Variants in CDH10 observed in about 807,000 individuals in gnomAD.
The protein encoded by CDH10 is cadherin-10.
CDH10 carries 30 observed loss-of-function variants against 73.1 expected under a neutral mutation model. The observed-to-expected ratio is 0.41, with a 90% CI of 0.31 to 0.56. CDH10 has a LOEUF of 0.56. Among genes scored for constraint, CDH10 ranks in the 20% least tolerant of loss-of-function variants. The pLI is 0.27. For synonymous variants in CDH10, 345 were observed against 348.2 expected (o/e 0.99, Z 0.10); for missense variants, 815 against 973.7 (o/e 0.84, Z 2.17).
At chr5:24,634,669 T>C (rs977498745) in intron 1 of CDH10, among the ~76,000 whole-genome samples, 5 of 151,818 alleles carry the variant, frequency 3.3e-5, no homozygotes, top group Non-Finnish European at 7.4e-5. Context: ...ATCTTTACTA[T>C]GCTCACCAAA....
chr5:24,561,763 G>A (rs1358152566), intron 2 of CDH10, among the ~76,000 whole-genome samples: 1 of 152,078 alleles, frequency 6.6e-6, no homozygotes, highest in East Asian at 1.9e-4. Context: ...TCATCTCTAG[G>A]AAATCCTGAA....
intron 2 of CDH10, among the ~76,000 whole-genome samples, chr5:24,573,790 A>AT (rs1437287420): frequency 2.0e-5 from 3 of 148,416 alleles, no homozygotes; most frequent in African/African-American, 7.4e-5. Context: ...TATCTTGTAT[A>AT]TATTCATATA....
Position 24,518,827 on chromosome 5 carries a change from A to G in CDH10, c.815-7313T>C, listed in dbSNP as rs148934145. Among the ~76,000 whole-genome samples, 31 of 149,860 alleles carry G rather than the reference A, an allele frequency of 2.1e-4. No homozygotes were observed. The East Asian group carries it at 6.0e-3, about 29-fold the overall frequency. ...TACATCGGAGAAGGATTACAGTGAG[A>G]TGGTAATTTCTAAGTTTATCTTGCA... On this transcript the variant is annotated intron_variant, in intron 5 of 11. Transcript: ENST00000264463.
rs114799502 is a variant in CDH10 at position 24,561,517 on chromosome 5, C to T, written c.232-23843G>A. Among the ~76,000 whole-genome samples, 266 of 152,140 alleles carry T rather than the reference C, an allele frequency of 1.7e-3. 1 individual carries two copies. Among genetic ancestry groups the T allele is most frequent in the African/African-American group, 5.7e-3 (235 of 41,530 alleles). On this transcript the variant is annotated intron_variant, in intron 2 of 11. Coordinates refer to ENST00000264463, the MANE Select transcript of CDH10 (RefSeq NM_006727.5). ...TTAGCTCAAAGTGAGCCATCGTTCG[C>T]GACCCTACTGCATTTTTCAGTTCCC...
At chr5:24,631,094 A>T (rs951032817) in intron 1 of CDH10, among the ~76,000 whole-genome samples, 11 of 152,138 alleles carry the variant, frequency 7.2e-5, no homozygotes, top group African/African-American at 2.4e-4. Flanking sequence ...ACTATGCAGT[A>T]CTGCCTCTGG....
chr5:24,543,184 C>T (rs2111918916), intron 2 of CDH10, among the ~76,000 whole-genome samples: 1 of 152,154 alleles, frequency 6.6e-6, no homozygotes, highest in South Asian at 2.1e-4. Flanking sequence ...CCATATCTAT[C>T]AGGAGGCACT....
Position 24,564,894 on chromosome 5 carries a change from C to T in CDH10, c.232-27220G>A, listed in dbSNP as rs77721970. On this transcript the variant is annotated intron_variant, in intron 2 of 11. Coordinates refer to ENST00000264463, the MANE Select transcript of CDH10 (RefSeq NM_006727.5). ...GCTGGACCCTCCTGTGCAAGGCTGC[C>T]CTGCTCATTCTGCTCTCATCTGATC... 8.0e-3 allele frequency among the ~76,000 whole-genome samples: 1,222 copies of T among 152,188 alleles called. 16 individuals carry two copies. Among genetic ancestry groups the T allele is most frequent in the African/African-American group, 0.028 (1,174 of 41,520 alleles).
At chr5:24,632,605 A>G (rs559071747) in intron 1 of CDH10, among the ~76,000 whole-genome samples, 5 of 152,158 alleles carry the variant, frequency 3.3e-5, no homozygotes, top group African/African-American at 1.2e-4. Context: ...CACTTGTTCT[A>G]TATTAAAGGG....
At chr5:24,502,093 T>TG (rs1351934726) in intron 8 of CDH10, among the ~76,000 whole-genome samples, 18 of 151,782 alleles carry the variant, frequency 1.2e-4, no homozygotes, top group Admixed American at 1.2e-3. Flanking sequence ...CTCATTTTTT[T>TG]GTATTTTTTT....
chr5:24,617,335 C>T (rs1019537428), intron 1 of CDH10, among the ~76,000 whole-genome samples: 9 of 151,898 alleles, frequency 5.9e-5, no homozygotes, highest in African/African-American at 1.2e-4. Context: ...TGGAGAACCA[C>T]GAAATTGTAA....
chr5:24,501,374 T>C (rs17516788), intron 8 of CDH10, among the ~76,000 whole-genome samples: 24,605 of 152,130 alleles, frequency 0.16, 2,079 homozygotes, highest in Admixed American at 0.21. Flanking sequence ...AGCCTGGAGC[T>C]ACCTATTCAA....
chr5:24,491,943 T>C (rs1220788537), intron 10 of CDH10, 116 bp from the exon 11 acceptor site: 3 of 624,958 alleles, frequency 4.8e-6, no homozygotes, highest in East Asian at 2.8e-5. Flanking sequence ...AAAATTGATA[T>C]ACATTTTCCT....
At chr5:24,523,344 G>GTA (rs1464214624) in intron 5 of CDH10, among the ~76,000 whole-genome samples, 1 of 151,964 alleles carries the variant, frequency 6.6e-6, no homozygotes, top group Non-Finnish European at 1.5e-5. Context: ...TTTTATATAT[G>GTA]TATATATACA....
chr5:24,578,483 C>G (rs1469599811), intron 2 of CDH10: 1 of 362,500 alleles, frequency 2.8e-6, no homozygotes, highest in Non-Finnish European at 5.6e-6. Context: ...TTCAGAATCA[C>G]TGGATTCACC....
chr5:24,599,003 T>A (rs1746470073), intron 1 of CDH10, among the ~76,000 whole-genome samples: 1 of 152,096 alleles, frequency 6.6e-6, no homozygotes, highest in Non-Finnish European at 1.5e-5. Flanking sequence ...CCATTATCTC[T>A]AAGATCCCTG....
intron 2 of CDH10, among the ~76,000 whole-genome samples, chr5:24,556,376 A>G (rs184227131): frequency 2.0e-5 from 3 of 152,204 alleles, no homozygotes; most frequent in Middle Eastern, 3.4e-3. Flanking sequence ...ACTGATTCAA[A>G]ATGAATTGTA....
At chr5:24,530,336 C>T (rs1317310750) in intron 5 of CDH10, among the ~76,000 whole-genome samples, 1 of 151,898 alleles carries the variant, frequency 6.6e-6, no homozygotes, top group Non-Finnish European at 1.5e-5. Context: ...GAAACAAATA[C>T]TGTTGTCCCA....
intron 2 of CDH10, among the ~76,000 whole-genome samples, chr5:24,568,217 T>C (rs190699848): frequency 1.1e-4 from 16 of 152,172 alleles, no homozygotes; most frequent in African/African-American, 3.9e-4. Flanking sequence ...ATTTTGGAAA[T>C]ACGACATCCA....
chr5:24,517,433 A>C (rs6890890), intron 5 of CDH10, among the ~76,000 whole-genome samples: 72,622 of 151,944 alleles, frequency 0.48, 17,474 homozygotes, highest in East Asian at 0.58. Context: ...CTTCTTGAGA[A>C]CAAAATTAAG....
Sources: allele counts gnomAD v4.1 joint callset (sites outside exome capture counted in the v4.1 genomes callset), GRCh38; gene constraint gnomAD v4.1.1; transcripts MANE v1.5; gene names NCBI Gene and HGNC (gene_info 2026-07-23, HGNC 2026-07-21).